CDH2: variants seen among roughly 807,000 people sequenced by gnomAD.
CDH2 encodes cadherin 2.
A neutral mutation model predicts 92.0 loss-of-function variants in CDH2; 17 were observed. That is an observed-to-expected ratio of 0.18 (90% CI 0.13 to 0.28). The LOEUF (loss-of-function observed/expected upper bound fraction) is 0.28. Ranked by LOEUF, CDH2 falls within the 10% of genes least tolerant of loss-of-function variation. The pLI is 1.00. For synonymous variants in CDH2, 419 were observed against 415.9 expected (o/e 1.01, Z -0.09); for missense variants, 862 against 1,133.1 (o/e 0.76, Z 3.44).
chr18:28,108,976 A>G (rs1017699366), intron 2 of CDH2, among the ~76,000 whole-genome samples: 2 of 152,282 alleles, frequency 1.3e-5, no homozygotes, highest in Admixed American at 1.3e-4. Flanking sequence ...CCTGTTGAAC[A>G]TTAAATACTT....
chr18:28,050,673 T>C (rs2014172864), intron 2 of CDH2, among the ~76,000 whole-genome samples: 1 of 152,112 alleles, frequency 6.6e-6, no homozygotes, highest in African/African-American at 2.4e-5. Context: ...ATAGAGGAGA[T>C]ATAATGCCTT....
chr18:27,956,789 ATTAT>A (rs1171944801), intron 15 of CDH2, among the ~76,000 whole-genome samples: 1 of 152,206 alleles, frequency 6.6e-6, no homozygotes, highest in East Asian at 1.9e-4. Flanking sequence ...CTTTAAAACA[ATTAT>A]TTAAGAAAAT....
rs556144757 is a variant in CDH2 at position 27,998,048 on chromosome 18, C to T, written c.1021-4411G>A. The stretch of plus-strand genomic sequence containing the variant: ...GTCTCCATCTCCTGACCTCGTGATC[C>T]GCCCACCTTGGCCTCCCAAAGTGCT... On this transcript the variant is annotated intron_variant, in intron 7 of 15. Coordinates refer to ENST00000269141, the MANE Select transcript of CDH2 (RefSeq NM_001792.5). 9.1e-4 allele frequency among the ~76,000 whole-genome samples: 138 copies of T among 152,188 alleles called. 1 individual carries two copies. The highest frequency in any genetic ancestry group is 3.4e-3 in the Middle Eastern group (1 of 294).
At chr18:28,112,704 A>AAACAAC (rs375635279) in intron 2 of CDH2, among the ~76,000 whole-genome samples, 5 of 151,980 alleles carry the variant, frequency 3.3e-5, no homozygotes, top group African/African-American at 9.7e-5. Context: ...GAAAAGAGAA[A>AAACAAC]AACAACAACA....
In CDH2 at chr18:27,992,661, C is replaced by T. The variant is rs1483922474; in HGVS notation, c.1338G>A (p.Val446=). ...TGGCCCGAGGAACACTTACTTTGAC[C>T]ACGGTGACTAACCCGTCGTTGCTGT... is the stretch of plus-strand genomic sequence containing the variant. ...DPNSNDGLVT[V]VKPIDFETNR... is the part of the protein sequence containing the mutation. Residue 446 remains valine (V), a synonymous_variant, in exon 9 of 16, where the codon GTG becomes GTA. Transcript: ENST00000269141. 4 of 1,610,164 alleles carry T rather than the reference C, an allele frequency of 2.5e-6. No homozygotes were observed. Among genetic ancestry groups the T allele is most frequent in the Middle Eastern group, 3.4e-4 (2 of 5,826 alleles).
intron 2 of CDH2, among the ~76,000 whole-genome samples, chr18:28,046,166 A>G (rs936241380): frequency 1.3e-5 from 2 of 152,210 alleles, no homozygotes; most frequent in African/African-American, 2.4e-5. Flanking sequence ...AAGGCTTCAC[A>G]GTCTAAATAA....
At chr18:28,043,548 C>T (rs2014005558) in intron 2 of CDH2, among the ~76,000 whole-genome samples, 1 of 136,378 alleles carries the variant, frequency 7.3e-6, no homozygotes, top group Admixed American at 7.7e-5. Flanking sequence ...TTGATGGGGA[C>T]TTATGAGCTT....
chr18:27,994,204 TAAAC>T (rs1353662425), intron 7 of CDH2, among the ~76,000 whole-genome samples: 8 of 152,252 alleles, frequency 5.3e-5, no homozygotes, highest in Non-Finnish European at 8.8e-5. Flanking sequence ...ACAGTATTCT[TAAAC>T]AAAGTCAAAA....
At chr18:28,011,013 T>A (rs1599031765) in intron 4 of CDH2, among the ~76,000 whole-genome samples, 1 of 151,722 alleles carries the variant, frequency 6.6e-6, no homozygotes, top group African/African-American at 2.4e-5. Flanking sequence ...AGAGACAGTA[T>A]CTTAATTTAG....
At position 27,988,568 on chromosome 18, in the gene CDH2, A is replaced by C; in HGVS notation, c.1697T>G (p.Val566Gly). Residue 566 changes from valine (V) to glycine (G), a missense_variant, in exon 11 of 16, where the codon GTG becomes GGG. Physicochemically the swap from Val to Gly is moderately radical, Grantham distance 109 (BLOSUM62 -3). This residue lies in a region of CDH2 where 564 missense variants were observed against 722.2 expected (regional missense o/e 0.78). Coordinates refer to ENST00000269141, the MANE Select transcript of CDH2 (RefSeq NM_001792.5). Reference protein sequence around the residue: ...IAVLDRESPNVKNNIYNATFL... With the variant: ...IAVLDRESPNGKNNIYNATFL... Reference sequence around the variant, plus strand: ...AGTAGCATTATATATATTGTTTTTCACATTTGGTGATTCTCGGTCCAAAAC... The same window carrying C: ...AGTAGCATTATATATATTGTTTTTCCCATTTGGTGATTCTCGGTCCAAAAC... 6.2e-7 allele frequency: 1 copy of C among 1,613,164 alleles called. No homozygotes were observed. The highest frequency in any genetic ancestry group is 8.5e-7 in the Non-Finnish European group (1 of 1,179,174).
intron 2 of CDH2, among the ~76,000 whole-genome samples, chr18:28,099,293 C>A (rs1307654426): frequency 1.3e-5 from 2 of 152,050 alleles, no homozygotes; most frequent in Non-Finnish European, 2.9e-5. Context: ...TGCCATTAAC[C>A]ATTTACCTTA....
rs1780846351 is a variant in CDH2, at chr18:28,177,052, G to A, written c.-30C>T. The A allele has an allele frequency of 2.0e-6, 3 of 1,466,874 alleles. No homozygotes were observed. Among genetic ancestry groups the A allele is most frequent in the East Asian group, 2.8e-5 (1 of 36,004 alleles). 90.9% of individuals were successfully genotyped at this position (1,466,874 alleles called of 1,614,324 possible). ...GCGGAGAGGGGCCGAGCGAAGAGCC[G>A]GAGGAGGCGGCGGCGGCGGCGGCGG... On this transcript the variant is annotated 5_prime_UTR_variant, in exon 1 of 16. Transcript: ENST00000269141.
intron 1 of CDH2, among the ~76,000 whole-genome samples, chr18:28,174,486 G>T (rs780766184): frequency 6.6e-6 from 1 of 152,134 alleles, no homozygotes; most frequent in Non-Finnish European, 1.5e-5. Flanking sequence ...TGCTTGACTT[G>T]TACTCATGAA....
At chr18:28,013,451 T>C (rs1228375135) in intron 3 of CDH2, among the ~76,000 whole-genome samples, 1 of 152,212 alleles carries the variant, frequency 6.6e-6, no homozygotes, top group Non-Finnish European at 1.5e-5. Flanking sequence ...AAATTATAAA[T>C]CTCAAAGTAT....
intron 2 of CDH2, among the ~76,000 whole-genome samples, chr18:28,025,544 AT>A (rs1415193111): frequency 2.7e-5 from 4 of 149,714 alleles, no homozygotes; most frequent in East Asian, 3.9e-4. Flanking sequence ...AATAATAAAA[AT>A]AATAAGCGTT....
chr18:28,039,398 T>C (rs974056757), intron 2 of CDH2, among the ~76,000 whole-genome samples: 1 of 152,146 alleles, frequency 6.6e-6, no homozygotes, highest in Non-Finnish European at 1.5e-5. Flanking sequence ...GAGACTGGTA[T>C]TGATATTTCA....
At chr18:28,044,505 C>T (rs1000273883) in intron 2 of CDH2, among the ~76,000 whole-genome samples, 1 of 152,154 alleles carries the variant, frequency 6.6e-6, no homozygotes, top group Admixed American at 6.5e-5. Flanking sequence ...TTCCTACTGT[C>T]AATAAGATAA....
intron 6 of CDH2, among the ~76,000 whole-genome samples, chr18:27,936,698 T>G (rs1330169053): frequency 6.6e-6 from 1 of 152,066 alleles, no homozygotes; most frequent in African/African-American, 2.4e-5. Context: ...TTCTGCTAAT[T>G]ATTTTATGCT....
chr18:28,036,604 AG>A, intron 2 of CDH2: 9 of 1,196,352 alleles, frequency 7.5e-6, no homozygotes, highest in Non-Finnish European at 8.5e-6. Flanking sequence ...AAGTCATAAT[AG>A]GTATGTCAGA....
Sources: allele counts gnomAD v4.1 joint callset (sites outside exome capture counted in the v4.1 genomes callset), GRCh38; gene constraint gnomAD v4.1.1; regional missense constraint gnomAD v4.1.1; transcripts MANE v1.5; gene names NCBI Gene and HGNC (gene_info 2026-07-23, HGNC 2026-07-21).